Variants in CSGALNACT1 observed in about 807,000 individuals in gnomAD.
CSGALNACT1 encodes beta4GalNAcT-1.
A neutral mutation model predicts 51.0 loss-of-function variants in CSGALNACT1; 52 were observed. The ratio of observed to expected loss-of-function variants is 1.02; its 90% CI spans 0.82 to 1.29. CSGALNACT1 has a LOEUF of 1.29. Ranked by LOEUF, CSGALNACT1 falls within the 50% of genes most tolerant of loss-of-function variation. The probability of loss-of-function intolerance (pLI) is 0.00; values close to 1 mark genes in which losing one functional copy is unlikely to be tolerated. For synonymous variants in CSGALNACT1, 341 were observed against 254.4 expected, an observed-to-expected ratio of 1.34 and a Z score of -3.24; for missense variants, 935 against 679.2, an observed-to-expected ratio of 1.38 and a Z score of -4.19.
intron 3 of CSGALNACT1, among the ~76,000 whole-genome samples, chr8:19,555,540 T>A (rs966425043): frequency 2.6e-5 from 4 of 152,114 alleles, no homozygotes; most frequent in African/African-American, 9.7e-5. Context: ...TGAAGCATAA[T>A]TCCGATATAT....
intron 1 of CSGALNACT1, among the ~76,000 whole-genome samples, chr8:19,680,751 G>C (rs549792433): frequency 1.3e-5 from 2 of 152,108 alleles, no homozygotes; most frequent in East Asian, 1.9e-4. Flanking sequence ...TCATCAGCAC[G>C]TGAACATCAA....
At position 19,580,919 on chromosome 8, in the gene CSGALNACT1, A is replaced by T. The variant is rs139479726; in HGVS notation, c.-297+10241T>A. ...GACACAGAAAAGTTTTATTGGAGTG[A>T]AACAGGTGTCAGCAGAAGAAAATCT... On this transcript the variant is annotated intron_variant, in intron 3 of 9. Transcript: ENST00000454498. Among the ~76,000 whole-genome samples the T allele has an allele frequency of 2.2e-3, 342 of 152,376 alleles. 3 individuals are homozygous for T. Among genetic ancestry groups the T allele is most frequent in the African/African-American group, 7.6e-3 (315 of 41,586 alleles).
intron 1 of CSGALNACT1, among the ~76,000 whole-genome samples, chr8:19,663,463 A>G (rs1440474309): frequency 6.6e-6 from 1 of 152,206 alleles, no homozygotes; most frequent in Non-Finnish European, 1.5e-5. Context: ...AATGACTAAC[A>G]TCCCAATTTT....
chr8:19,599,448 A>G (rs1275177767), intron 2 of CSGALNACT1, among the ~76,000 whole-genome samples: 1 of 133,698 alleles, frequency 7.5e-6, no homozygotes, highest in Admixed American at 7.7e-5. Context: ...AAAGAAAAAG[A>G]AAAAGAAAAG....
intron 1 of CSGALNACT1, 110 bp from the exon 2 acceptor site, chr8:19,601,975 G>T (rs574369900): frequency 2.4e-6 from 1 of 410,434 alleles, no homozygotes; most frequent in Non-Finnish European, 4.9e-6. Context: ...AAAATACAAT[G>T]CATCTGAAAG....
At chr8:19,419,099 G>A (rs1253343821) in intron 7 of CSGALNACT1, among the ~76,000 whole-genome samples, 1 of 152,072 alleles carries the variant, frequency 6.6e-6, no homozygotes, top group Non-Finnish European at 1.5e-5. Context: ...ACCCGCCTCG[G>A]CCTCCCAAAG....
Position 19,487,838 on chromosome 8 carries a change from G to A in CSGALNACT1, c.634+17363C>T, listed in dbSNP as rs370080865. On this transcript the variant is annotated intron_variant, in intron 4 of 9. Coordinates refer to ENST00000454498, the Ensembl canonical transcript of CSGALNACT1. ...CTCTCTAGTCAAAGGCAGCTTGGGG[G>A]TTTAGAATGGAAACACAGCAGCCCA... Among the ~76,000 whole-genome samples, 27 of 152,184 alleles carry A rather than the reference G, an allele frequency of 1.8e-4. 1 individual carries two copies. The highest frequency in any genetic ancestry group is 6.3e-4 in the African/African-American group (26 of 41,510).
chr8:19,573,345 G>A (rs1588530022), intron 3 of CSGALNACT1, among the ~76,000 whole-genome samples: 1 of 152,212 alleles, frequency 6.6e-6, no homozygotes, highest in African/African-American at 2.4e-5. Context: ...AGCAGTGGGC[G>A]GGTGGCCTTC....
At chr8:19,568,520 A>G (rs563041913) in intron 3 of CSGALNACT1, among the ~76,000 whole-genome samples, 1 of 152,328 alleles carries the variant, frequency 6.6e-6, no homozygotes, top group South Asian at 2.1e-4. Flanking sequence ...AAATTTAAAT[A>G]AACATCAAAT....
chr8:19,695,416 C>T (rs572904891), intron 1 of CSGALNACT1, among the ~76,000 whole-genome samples: 23 of 152,230 alleles, frequency 1.5e-4, no homozygotes, highest in African/African-American at 5.1e-4. Context: ...ATTAGCTGTG[C>T]GGCCAGAGTG....
At chr8:19,450,410 C>G (rs146573326) in intron 5 of CSGALNACT1, among the ~76,000 whole-genome samples, 35 of 152,114 alleles carry the variant, frequency 2.3e-4, no homozygotes, top group African/African-American at 8.2e-4. Flanking sequence ...ACATTTAAAG[C>G]AAACTTTCCC....
intron 4 of CSGALNACT1, among the ~76,000 whole-genome samples, chr8:19,478,473 C>T (rs1006756898): frequency 4.0e-5 from 6 of 150,186 alleles, no homozygotes; most frequent in African/African-American, 9.8e-5. Context: ...CCAGAGATTC[C>T]GATTTAATTA....
At chr8:19,666,949 AAG>A (rs1313095692) in intron 1 of CSGALNACT1, among the ~76,000 whole-genome samples, 2 of 14,392 alleles carry the variant, frequency 1.4e-4, no homozygotes, top group Admixed American at 8.6e-4. Flanking sequence ...GAGAAAAAGA[AAG>A]AAAGAAAGAA....
At chr8:19,434,839 G>GAA (rs112162663) in intron 6 of CSGALNACT1, among the ~76,000 whole-genome samples, 1 of 129,566 alleles carries the variant, frequency 7.7e-6, no homozygotes, top group African/African-American at 2.8e-5. Context: ...CCTTGTTTAA[G>GAA]AAAAAAAAAA....
At chr8:19,705,490 T>C (rs1178721834) in intron 1 of CSGALNACT1, among the ~76,000 whole-genome samples, 1 of 152,164 alleles carries the variant, frequency 6.6e-6, no homozygotes, top group East Asian at 1.9e-4. Context: ...CCTAACACTT[T>C]GGGAGGCTGA....
At chr8:19,663,494 G>A (rs1041706506) in intron 1 of CSGALNACT1, among the ~76,000 whole-genome samples, 2 of 151,962 alleles carry the variant, frequency 1.3e-5, no homozygotes, top group Admixed American at 1.3e-4. Context: ...TAGCACGAGA[G>A]GTTCCTACAA....
chr8:19,568,589 A>C (rs1239072307), intron 3 of CSGALNACT1, among the ~76,000 whole-genome samples: 2 of 152,222 alleles, frequency 1.3e-5, no homozygotes, highest in East Asian at 3.8e-4. Context: ...AAGGACTTTA[A>C]ATTCTTTAAT....
At chr8:19,493,507 C>A (rs903931528) in intron 4 of CSGALNACT1, among the ~76,000 whole-genome samples, 2 of 152,184 alleles carry the variant, frequency 1.3e-5, no homozygotes, top group Non-Finnish European at 2.9e-5. Context: ...TCCTCCAACC[C>A]CCAGAACCCT....
At chr8:19,504,008 G>A (rs2076864544) in intron 4 of CSGALNACT1, among the ~76,000 whole-genome samples, 1 of 152,228 alleles carries the variant, frequency 6.6e-6, no homozygotes, top group Non-Finnish European at 1.5e-5. Flanking sequence ...GTAGGCCCAT[G>A]AGACAGTGGT....
Sources: allele counts gnomAD v4.1 joint callset (sites outside exome capture counted in the v4.1 genomes callset), GRCh38; gene constraint gnomAD v4.1.1; transcripts MANE v1.5; gene names NCBI Gene and HGNC (gene_info 2026-07-23, HGNC 2026-07-21).